The following IMMP2L variants were observed in gnomAD, a reference collection of about 807,000 sequenced individuals.
The protein encoded by IMMP2L is inner mitochondrial membrane peptidase subunit 2.
Under a neutral mutation model 19.3 loss-of-function variants are expected in IMMP2L, and 18 were observed. The ratio of observed to expected loss-of-function variants is 0.93; its 90% confidence interval spans 0.64 to 1.38. The LOEUF (loss-of-function observed/expected upper bound fraction) is 1.38. Among genes scored for constraint, IMMP2L ranks in the 40% most tolerant of loss-of-function variants. IMMP2L has a pLI of 0.00. For synonymous variants in IMMP2L, 76 were observed against 73.0 expected, an observed-to-expected ratio of 1.04 and a Z score of -0.21; for missense variants, 233 against 218.2, an observed-to-expected ratio of 1.07 and a Z score of -0.43.
intron 3 of IMMP2L, among the ~76,000 whole-genome samples, chr7:111,069,371 T>C (rs1361688478): frequency 6.6e-6 from 1 of 152,022 alleles, no homozygotes; most frequent in Non-Finnish European, 1.5e-5. Flanking sequence ...TTTGGTAAAA[T>C]GAGGAATAGT....
chr7:111,512,068 G>A (rs1000262517), intron 2 of IMMP2L, among the ~76,000 whole-genome samples: 1 of 152,076 alleles, frequency 6.6e-6, no homozygotes, highest in Admixed American at 6.6e-5. Context: ...GTATATACAC[G>A]TAACTGTACA....
chr7:111,499,184 T>G (rs767228962), intron 2 of IMMP2L, among the ~76,000 whole-genome samples: 29 of 152,136 alleles, frequency 1.9e-4, no homozygotes, highest in Non-Finnish European at 2.6e-4. Context: ...ACCAAGCCTC[T>G]GTTTGCGTAT....
intron 3 of IMMP2L, among the ~76,000 whole-genome samples, chr7:111,397,560 C>T (rs1833000104): frequency 6.6e-6 from 1 of 152,104 alleles, no homozygotes; most frequent in Non-Finnish European, 1.5e-5. Context: ...TATAAAAGTA[C>T]AGTTTAAAGA....
At chr7:110,698,282 A>C (rs1235577548) in intron 5 of IMMP2L, among the ~76,000 whole-genome samples, 1 of 152,234 alleles carries the variant, frequency 6.6e-6, no homozygotes, top group Non-Finnish European at 1.5e-5. Flanking sequence ...CTGAAAAGAG[A>C]AATCAATCAT....
At chr7:110,952,044 CAG>C (rs1563106630) in intron 4 of IMMP2L, among the ~76,000 whole-genome samples, 1 of 152,090 alleles carries the variant, frequency 6.6e-6, no homozygotes, top group Non-Finnish European at 1.5e-5. Context: ...CAGCTAAAAA[CAG>C]TGGGTATTTT....
intron 4 of IMMP2L, among the ~76,000 whole-genome samples, chr7:110,930,307 T>A (rs1815325737): frequency 6.8e-6 from 1 of 147,240 alleles, no homozygotes; most frequent in South Asian, 2.3e-4. Flanking sequence ...ATAGTAAACC[T>A]TTCATTAACA....
intron 3 of IMMP2L, among the ~76,000 whole-genome samples, chr7:111,440,838 C>A (rs182575732): frequency 1.1e-4 from 17 of 151,966 alleles, no homozygotes; most frequent in Admixed American, 1.1e-3. Context: ...GTAGTGTAGG[C>A]GCCTTTGTCA....
intron 3 of IMMP2L, among the ~76,000 whole-genome samples, chr7:111,384,798 T>G (rs1180449076): frequency 6.6e-6 from 1 of 152,156 alleles, no homozygotes; most frequent in African/African-American, 2.4e-5. Flanking sequence ...TTTTACATAC[T>G]TTTTACATAT....
intron 3 of IMMP2L, among the ~76,000 whole-genome samples, chr7:111,054,728 T>C (rs1353769388): frequency 1.3e-5 from 2 of 152,172 alleles, no homozygotes; most frequent in Non-Finnish European, 2.9e-5. Context: ...GTATTCCCCA[T>C]ACCAGGTTCT....
At chr7:111,197,395 G>A (rs186366812) in intron 3 of IMMP2L, among the ~76,000 whole-genome samples, 47 of 152,166 alleles carry the variant, frequency 3.1e-4, no homozygotes, top group South Asian at 8.3e-4. Flanking sequence ...CCCAGGAGGC[G>A]GAGCTTGCAG....
chr7:111,486,068 T>C (rs1260201534), intron 3 of IMMP2L, among the ~76,000 whole-genome samples: 1 of 152,114 alleles, frequency 6.6e-6, no homozygotes, highest in African/African-American at 2.4e-5. Context: ...AAAATAGTAC[T>C]CGGAATGACA....
At chr7:111,443,615 C>A (rs1837971120) in intron 3 of IMMP2L, among the ~76,000 whole-genome samples, 1 of 152,156 alleles carries the variant, frequency 6.6e-6, no homozygotes, top group Non-Finnish European at 1.5e-5. Flanking sequence ...GAACAGAACT[C>A]TCCTCAAAAT....
chr7:111,520,145 G>A (rs1846204471), intron 2 of IMMP2L, among the ~76,000 whole-genome samples: 1 of 152,118 alleles, frequency 6.6e-6, no homozygotes, highest in Non-Finnish European at 1.5e-5. Context: ...TGTATTTAAA[G>A]CCATATGCCT....
chr7:111,445,829 G>T (rs1171753705), intron 3 of IMMP2L, among the ~76,000 whole-genome samples: 1 of 152,148 alleles, frequency 6.6e-6, no homozygotes, highest in East Asian at 1.9e-4. Context: ...CCAGACAGTG[G>T]GCGCAGGCCA....
chr7:110,902,768 CA>C lies in IMMP2L; in HGVS notation c.306-16074del, dbSNP rs538750208. 7.3e-4 allele frequency among the ~76,000 whole-genome samples: 52 copies of C among 71,190 alleles called. 1 individual carries two copies. Among genetic ancestry groups the C allele is most frequent in the Middle Eastern group, 5.7e-3 (1 of 174 alleles). The allele number at this position is 71,190 out of a possible 152,430, so 46.7% of individuals were successfully genotyped here. On this transcript the variant is annotated intron_variant, in intron 4 of 5. Coordinates refer to ENST00000405709, the MANE Select transcript of IMMP2L (RefSeq NM_032549.4). ...TGAAACCCCGTCTCTACTAAAAATACAAAAAAAAAAAAAATTAGCCGGGCGT... is the reference window on the plus strand; with the variant it reads ...TGAAACCCCGTCTCTACTAAAAATACAAAAAAAAAAAAATTAGCCGGGCGT...
intron 5 of IMMP2L, among the ~76,000 whole-genome samples, chr7:110,726,274 A>G (rs1795877096): frequency 6.6e-6 from 1 of 152,360 alleles, no homozygotes; most frequent in East Asian, 1.9e-4. Context: ...CTAAATAGGT[A>G]TGTGAAATAT....
chr7:111,148,155 A>C (rs1417463569), intron 3 of IMMP2L, among the ~76,000 whole-genome samples: 1 of 152,118 alleles, frequency 6.6e-6, no homozygotes, highest in African/African-American at 2.4e-5. Flanking sequence ...ACATCTATAC[A>C]ATGGAATTTT....
intron 3 of IMMP2L, among the ~76,000 whole-genome samples, chr7:111,368,934 T>C (rs984688420): frequency 2.0e-5 from 3 of 151,924 alleles, no homozygotes; most frequent in Non-Finnish European, 2.9e-5. Context: ...TTTTTTTAAA[T>C]ATGTAAAGGA....
At chr7:111,535,169 C>T (rs1847769919) in intron 1 of IMMP2L, among the ~76,000 whole-genome samples, 2 of 151,846 alleles carry the variant, frequency 1.3e-5, no homozygotes, top group South Asian at 4.2e-4. Flanking sequence ...TTTAATTTTG[C>T]AGAATTAAAG....
Sources: allele counts gnomAD v4.1 joint callset (sites outside exome capture counted in the v4.1 genomes callset), GRCh38; gene constraint gnomAD v4.1.1; transcripts MANE v1.5; gene names NCBI Gene and HGNC (gene_info 2026-07-23, HGNC 2026-07-21).